The following CHST10 variants were observed in gnomAD, a reference collection of about 807,000 sequenced individuals.
The protein encoded by CHST10 is carbohydrate sulfotransferase 10.
CHST10 carries 24 observed loss-of-function variants against 34.7 expected under a neutral mutation model. The ratio of observed to expected loss-of-function variants is 0.69; its 90% confidence interval spans 0.50 to 0.97. The LOEUF is 0.97. CHST10 is among the 50% of genes least tolerant of loss of function. The pLI, the probability that CHST10 is intolerant of heterozygous loss-of-function variation, is 0.00. For synonymous variants in CHST10, 161 were observed against 169.3 expected, an observed-to-expected ratio of 0.95 and a Z score of 0.38; for missense variants, 402 against 452.1, an observed-to-expected ratio of 0.89 and a Z score of 1.00.
chr2:100,405,767 T>C (rs143595188), intron 3 of CHST10, among the ~76,000 whole-genome samples: 103 of 152,308 alleles, frequency 6.8e-4, no homozygotes, highest in Non-Finnish European at 1.2e-3. Flanking sequence ...ACGGCACAAA[T>C]GAGGACTTCA....
intron 2 of CHST10, among the ~76,000 whole-genome samples, chr2:100,410,192 G>C (rs1379923011): frequency 6.6e-6 from 1 of 152,256 alleles, no homozygotes; most frequent in African/African-American, 2.4e-5. Context: ...GTCCAGGAGG[G>C]AGCTCTCTGA....
At chr2:100,403,267 A>G (rs1190853240) in intron 3 of CHST10, among the ~76,000 whole-genome samples, 1 of 152,208 alleles carries the variant, frequency 6.6e-6, no homozygotes, top group Admixed American at 6.5e-5. Flanking sequence ...GTCAACCAGG[A>G]GAGGAAAAAC....
intron 6 of CHST10, 93 bp from the exon 7 acceptor site, chr2:100,393,875 T>C (rs1674923361): frequency 1.0e-6 from 1 of 991,838 alleles, no homozygotes; most frequent in Non-Finnish European, 1.5e-6. Context: ...AGTGCAGCAC[T>C]GTGTATGGGA....
chr2:100,415,527 C>T (rs946054550), intron 1 of CHST10, among the ~76,000 whole-genome samples: 2 of 152,112 alleles, frequency 1.3e-5, no homozygotes, highest in Non-Finnish European at 2.9e-5. Context: ...AATGCCATAT[C>T]ATAAAAAACC....
chr2:100,414,240 G>T (rs1675969029), intron 2 of CHST10, among the ~76,000 whole-genome samples: 1 of 152,102 alleles, frequency 6.6e-6, no homozygotes, highest in African/African-American at 2.4e-5. Context: ...GCAGGGACAG[G>T]GGTGGGTCAG....
intron 3 of CHST10, among the ~76,000 whole-genome samples, chr2:100,403,089 A>C (rs1035990869): frequency 6.6e-6 from 1 of 152,234 alleles, no homozygotes; most frequent in Non-Finnish European, 1.5e-5. Context: ...CCTCAAACTC[A>C]ACAATTAAAA....
In CHST10 at chr2:100,391,914, C is replaced by A. The variant is rs1674808229; in HGVS notation, c.*1331G>T. ...TTTCACATTGACACAATCAGGAAACCATTCTGAGAAAAGGTAGAGGCCGCC... is the reference window on the plus strand; with the variant it reads ...TTTCACATTGACACAATCAGGAAACAATTCTGAGAAAAGGTAGAGGCCGCC... On this transcript the variant is annotated 3_prime_UTR_variant, in exon 7 of 7. Coordinates refer to ENST00000264249, the MANE Select transcript of CHST10 (RefSeq NM_004854.5). The A allele has an allele frequency of 6.5e-6, 1 of 152,714 alleles. No individual in the cohort carries two copies. The highest frequency in any genetic ancestry group is 2.4e-5 in the African/African-American group (1 of 41,460). 9.5% of individuals were successfully genotyped at this position (152,714 alleles called of 1,614,324 possible). A position where few individuals can be genotyped will look rare whatever the true frequency, so the allele number is the denominator to read the frequency against.
intron 2 of CHST10, among the ~76,000 whole-genome samples, chr2:100,407,107 G>C (rs1675611984): frequency 6.6e-6 from 1 of 152,186 alleles, no homozygotes; most frequent in Admixed American, 6.5e-5. Context: ...GGCCTTAGCT[G>C]AGGGTCATTC....
chr2:100,406,580 T>C lies in CHST10; in HGVS notation c.96A>G (p.Pro32=). 1 of 1,614,204 alleles carries C rather than the reference T, an allele frequency of 6.2e-7. No individual in the cohort carries two copies. Among genetic ancestry groups the C allele is most frequent in the Non-Finnish European group, 8.5e-7 (1 of 1,180,036 alleles). ...TCCACCATGAAGCATACGTACCATC[T>C]GGGTCTTTAAAGGTCAACGTGATGA... ...SKFITLTFKD[P]DVYSAKQEFL... Residue 32 remains proline (P), a synonymous_variant, in exon 3 of 7, where the codon CCA becomes CCG. Coordinates refer to ENST00000264249, the MANE Select transcript of CHST10 (RefSeq NM_004854.5).
intron 4 of CHST10, among the ~76,000 whole-genome samples, chr2:100,399,396 C>T (rs191373402): frequency 0.011 from 1,606 of 152,262 alleles, 22 homozygotes; most frequent in Non-Finnish European, 0.012. Flanking sequence ...TAAGCCACCA[C>T]GCCCGGCCAT....
Position 100,404,704 on chromosome 2 carries a change from A to G in CHST10, c.100+1872T>C, listed in dbSNP as rs141971681. On this transcript the variant is annotated intron_variant, in intron 3 of 6. Coordinates refer to ENST00000264249, the MANE Select transcript of CHST10 (RefSeq NM_004854.5). ...GGAAACAAGGCATTCTTTAGAGGCC[A>G]TTCTGCCAGATAACAGTAAAACACA... Among the ~76,000 whole-genome samples the G allele has an allele frequency of 2.7e-4, 41 of 152,364 alleles. 1 individual carries two copies. In the East Asian group the frequency reaches 7.1e-3, roughly 27 times the overall value.
chr2:100,398,971 T>C (rs1180088337), intron 4 of CHST10, among the ~76,000 whole-genome samples: 4 of 152,150 alleles, frequency 2.6e-5, no homozygotes, highest in Non-Finnish European at 5.9e-5. Context: ...CACACCTCCT[T>C]GTTCTCTGGA....
rs1220876558 is a variant in CHST10, at chr2:100,404,312, CCATCT to C, written c.101-1662_101-1658del. Among the ~76,000 whole-genome samples the C allele has an allele frequency of 1.3e-5, 2 of 152,132 alleles. 1 individual carries two copies. Among genetic ancestry groups the C allele is most frequent in the Non-Finnish European group, 2.9e-5 (2 of 68,028 alleles). On this transcript the variant is annotated intron_variant, in intron 3 of 6. Transcript: ENST00000264249. ...TGCCTCGGGGTCAGGGGCAGCACTCCCATCTCAGTGACCCAGCACCCACACACCAC... is the reference window on the plus strand; with the variant it reads ...TGCCTCGGGGTCAGGGGCAGCACTCCCAGTGACCCAGCACCCACACACCAC...
intron 6 of CHST10, among the ~76,000 whole-genome samples, chr2:100,394,297 G>A (rs1001665018): frequency 6.6e-6 from 1 of 152,186 alleles, no homozygotes; most frequent in Non-Finnish European, 1.5e-5. Context: ...AGGTCTGGGT[G>A]AGCTGCAAGC....
At chr2:100,404,835 T>C (rs1039180218) in intron 3 of CHST10, among the ~76,000 whole-genome samples, 1 of 152,252 alleles carries the variant, frequency 6.6e-6, no homozygotes, top group Non-Finnish European at 1.5e-5. Context: ...TTTAACCTCA[T>C]GACCTGCCTT....
chr2:100,403,756 T>C (rs1675441992), intron 3 of CHST10, among the ~76,000 whole-genome samples: 1 of 152,204 alleles, frequency 6.6e-6, no homozygotes, highest in East Asian at 1.9e-4. Flanking sequence ...GTCTGTTATT[T>C]CCTGGTCTTG....
chr2:100,398,175 G>A (rs1675163171), intron 4 of CHST10, 33 bp from the exon 5 acceptor site: 1 of 1,537,126 alleles, frequency 6.5e-7, no homozygotes, highest in African/African-American at 1.4e-5. Flanking sequence ...GAGGCCCAGG[G>A]ACCATTAAAG....
chr2:100,404,649 G>A (rs1481544767), intron 3 of CHST10, among the ~76,000 whole-genome samples: 2 of 152,138 alleles, frequency 1.3e-5, no homozygotes, highest in African/African-American at 4.8e-5. Context: ...CATCAAAGGA[G>A]AATGAGACCT....
rs778676484 is a variant in CHST10, at chr2:100,397,893, T to TCC, written c.427+14_427+15insGG. 2.9e-5 allele frequency: 47 copies of TCC among 1,594,142 alleles called. No individual in the cohort carries two copies. In the South Asian group the frequency reaches 5.3e-4, roughly 18 times the overall value. On this transcript the variant is annotated intron_variant, in intron 5 of 6. Transcript: ENST00000264249. Reference sequence around the variant, plus strand: ...AAGACCCTTCCCAGTGGACATTCAGTAGACCCACACACACCATTTAGAACA... The same window carrying TCC: ...AAGACCCTTCCCAGTGGACATTCAGTCCAGACCCACACACACCATTTAGAACA...
Sources: allele counts gnomAD v4.1 joint callset (sites outside exome capture counted in the v4.1 genomes callset), GRCh38; gene constraint gnomAD v4.1.1; transcripts MANE v1.5; gene names NCBI Gene and HGNC (gene_info 2026-07-23, HGNC 2026-07-21).